The following SLC39A14 variants were observed in gnomAD, a reference collection of about 807,000 sequenced individuals.
SLC39A14 encodes metal cation symporter ZIP14.
A neutral mutation model predicts 45.5 loss-of-function variants in SLC39A14; 19 were observed. The ratio of observed to expected loss-of-function variants is 0.42; its 90% CI spans 0.29 to 0.61. The LOEUF (loss-of-function observed/expected upper bound fraction) is 0.61, where lower values mean the gene tolerates loss of function less well. SLC39A14 is among the 20% of genes least tolerant of loss of function. The pLI, the probability that SLC39A14 is intolerant of heterozygous loss-of-function variation, is 0.22. For synonymous variants in SLC39A14, 264 were observed against 251.3 expected, an observed-to-expected ratio of 1.05 and a Z score of -0.48; for missense variants, 447 against 616.5, an observed-to-expected ratio of 0.73 and a Z score of 2.91.
intron 1 of SLC39A14, among the ~76,000 whole-genome samples, chr8:22,391,023 GAGCACAGGCAGC>G (rs1030074911): frequency 1.7e-4 from 26 of 152,210 alleles, no homozygotes; most frequent in African/African-American, 6.0e-4. Flanking sequence ...TATCTGGTGG[GAGCACAGGCAGC>G]AGCTCCATGG....
intron 4 of SLC39A14, among the ~76,000 whole-genome samples, chr8:22,414,418 A>G (rs928856558): frequency 2.0e-5 from 3 of 152,264 alleles, no homozygotes; most frequent in Non-Finnish European, 4.4e-5. Flanking sequence ...AAATAAATAC[A>G]AGTGTCTGCT....
chr8:22,388,663 G>A (rs572902632), intron 1 of SLC39A14, among the ~76,000 whole-genome samples: 32 of 152,210 alleles, frequency 2.1e-4, no homozygotes, highest in African/African-American at 6.7e-4. Flanking sequence ...GCCTGGAATC[G>A]TAGGGGGATG....
chr8:22,422,833 T>C (rs1440316644), downstream of SLC39A14: 10 of 484,230 alleles, frequency 2.1e-5, no homozygotes, highest in Non-Finnish European at 2.7e-5. Flanking sequence ...TTTTTTGTTG[T>C]TGTTATTGAG....
intron 8 of SLC39A14, among the ~76,000 whole-genome samples, chr8:22,432,651 T>G (rs1249953984): frequency 1.0e-4 from 15 of 149,760 alleles, no homozygotes; most frequent in Admixed American, 4.0e-4. Context: ...GCTAATTTTT[T>G]TTTTTTTTTT....
At chr8:22,404,520 C>A (rs1835087467) in intron 1 of SLC39A14, 176 bp from the exon 2 acceptor site, 2 of 304,036 alleles carry the variant, frequency 6.6e-6, no homozygotes, top group Non-Finnish European at 1.1e-5. Flanking sequence ...CCTTTTTATT[C>A]GTTTTTATTC....
downstream of SLC39A14, among the ~76,000 whole-genome samples, chr8:22,426,854 T>C (rs1482670460): frequency 2.0e-5 from 3 of 152,062 alleles, no homozygotes; most frequent in African/African-American, 7.2e-5. Context: ...CAGCTAATTT[T>C]TGTGTTTTTA....
intron 1 of SLC39A14, among the ~76,000 whole-genome samples, chr8:22,388,130 A>G (rs1240625060): frequency 2.0e-5 from 3 of 152,198 alleles, no homozygotes; most frequent in African/African-American, 7.2e-5. Context: ...AACCTAAAAT[A>G]TAAGCCCTGT....
At chr8:22,399,153 G>A (rs559188815) in intron 1 of SLC39A14, among the ~76,000 whole-genome samples, 104 of 152,280 alleles carry the variant, frequency 6.8e-4, no homozygotes, top group African/African-American at 2.5e-3. Flanking sequence ...TGGGGGGACT[G>A]GAGTGGCTCT....
Position 22,420,773 on chromosome 8 carries a change from AG to A in SLC39A14, c.*1080del. On this transcript the variant is annotated 3_prime_UTR_variant, in exon 9 of 9. Coordinates refer to ENST00000381237, the MANE Select transcript of SLC39A14 (RefSeq NM_001128431.4). Reference sequence around the variant, plus strand: ...TTCCATAAATCAAAGCATGACTAATAGGGGGTCTCTGAAATGTAAGGGCACA... The same window carrying A: ...TTCCATAAATCAAAGCATGACTAATAGGGGTCTCTGAAATGTAAGGGCACA... The A allele has an allele frequency of 1.0e-6, 1 of 985,100 alleles. No individual in the cohort carries two copies. Among genetic ancestry groups the A allele is most frequent in the Non-Finnish European group, 1.2e-6 (1 of 829,922 alleles). 61.0% of individuals were successfully genotyped at this position (985,100 alleles called of 1,614,324 possible).
downstream of SLC39A14, among the ~76,000 whole-genome samples, chr8:22,423,420 C>G (rs183812278): frequency 2.2e-4 from 34 of 152,008 alleles, no homozygotes; most frequent in East Asian, 6.4e-3. Flanking sequence ...ACTGCAAACT[C>G]CGCTTCCCGG....
chr8:22,410,393 A>G (rs1044313578), intron 3 of SLC39A14, among the ~76,000 whole-genome samples: 6 of 152,156 alleles, frequency 3.9e-5, no homozygotes, highest in Admixed American at 2.6e-4. Context: ...AGCCCCATAC[A>G]TAAGGCATCA....
At chr8:22,404,535 C>T (rs1020765923) in intron 1 of SLC39A14, 161 bp from the exon 2 acceptor site, 4 of 520,660 alleles carry the variant, frequency 7.7e-6, no homozygotes, top group Non-Finnish European at 1.3e-5. Context: ...TTATTCTGTG[C>T]TTTCAAAAGA....
chr8:22,375,707 C>G (rs145979805), intron 1 of SLC39A14, among the ~76,000 whole-genome samples: 1 of 152,246 alleles, frequency 6.6e-6, no homozygotes, highest in African/African-American at 2.4e-5. Flanking sequence ...CCAGACTGAT[C>G]TCAAACTCGA....
chr8:22,423,786 T>TTCTCTCTCTC (rs58420252), downstream of SLC39A14, among the ~76,000 whole-genome samples: 199 of 122,258 alleles, frequency 1.6e-3, 4 homozygotes, highest in Admixed American at 4.1e-3. Flanking sequence ...TTTAATTGGT[T>TTCTCTCTCTC]TCTCTCTCTC....
At chr8:22,431,914 A>G (rs746480142) in intron 8 of SLC39A14, among the ~76,000 whole-genome samples, 10 of 152,226 alleles carry the variant, frequency 6.6e-5, no homozygotes, top group Non-Finnish European at 1.5e-4. Context: ...AGGGAGCTCA[A>G]TTAGAGCTTT....
Position 22,388,032 on chromosome 8 carries a change from C to T in SLC39A14, c.-15-16664C>T, listed in dbSNP as rs538495956. ...CTGTCTGTTTATATATGCGTTTGCA[C>T]GGTGAGTGTGTGCATGTACACATTT... On this transcript the variant is annotated intron_variant, in intron 1 of 8. Coordinates refer to ENST00000381237, the MANE Select transcript of SLC39A14 (RefSeq NM_001128431.4). 2.6e-5 allele frequency among the ~76,000 whole-genome samples: 4 copies of T among 152,304 alleles called. No homozygotes were observed. The East Asian group carries it at 5.8e-4, about 22-fold the overall frequency.
At position 22,420,126 on chromosome 8, in the gene SLC39A14, T is replaced by C. The variant is rs1836142258; in HGVS notation, c.*428T>C. 2 of 986,900 alleles carry C rather than the reference T, an allele frequency of 2.0e-6. No homozygotes were observed. Among genetic ancestry groups the C allele is most frequent in the Non-Finnish European group, 1.2e-6 (1 of 831,082 alleles). The allele number at this position is 986,900 out of a possible 1,614,324, so 61.1% of individuals were successfully genotyped here. A position where few individuals can be genotyped will look rare whatever the true frequency, so the allele number is the denominator to read the frequency against. On this transcript the variant is annotated 3_prime_UTR_variant, in exon 9 of 9. Coordinates refer to ENST00000381237, the MANE Select transcript of SLC39A14 (RefSeq NM_001128431.4). ...ATCCATAGTGTGGGGCCCATGACTC[T>C]AGCTGGGCACCTTGGACCTCCAGCT...
intron 1 of SLC39A14, among the ~76,000 whole-genome samples, chr8:22,396,991 C>T (rs1834524776): frequency 6.6e-6 from 1 of 150,620 alleles, no homozygotes; most frequent in Non-Finnish European, 1.5e-5. Context: ...AAGTTCTACT[C>T]ATTTTGTTAA....
At position 22,418,955 on chromosome 8, in the gene SLC39A14, G is replaced by A. The variant is rs557446039; in HGVS notation, c.1333-597G>A. Among the ~76,000 whole-genome samples the A allele has an allele frequency of 1.8e-4, 27 of 152,186 alleles. 1 individual carries two copies. The East Asian group carries it at 4.6e-3, about 26-fold the overall frequency. On this transcript the variant is annotated intron_variant, in intron 8 of 8. Transcript: ENST00000381237. The stretch of plus-strand genomic sequence containing the variant: ...GAAGTGGGACAATTGCTCGAGCCCA[G>A]GAGTTTGAGGCTGCAGTGAGCTATG...
Sources: gnomAD v4.1 joint callset for allele counts (sites outside exome capture counted in the v4.1 genomes callset) on GRCh38, gnomAD v4.1.1 for gene constraint, MANE v1.5 for transcripts, NCBI Gene and HGNC (gene_info 2026-07-23, HGNC 2026-07-21) for gene names.